The following AFDN variants were observed in gnomAD, a reference collection of about 807,000 sequenced individuals.
The protein encoded by AFDN is afadin.
In AFDN, 68 loss-of-function variants were observed where a neutral mutation model predicts 216.6. That is an observed-to-expected ratio of 0.31 (90% CI 0.26 to 0.38). The LOEUF (loss-of-function observed/expected upper bound fraction) is 0.38. Among genes scored for constraint, AFDN ranks in the 10% least tolerant of loss-of-function variants. AFDN has a pLI of 1.00. For missense variants in AFDN, 2,136 were observed against 2,342.0 expected (o/e 0.91, Z 1.82); for synonymous variants, 868 against 853.7 (o/e 1.02, Z -0.29).
At chr6:167,835,737 T>C (rs1780352884) in intron 1 of AFDN, among the ~76,000 whole-genome samples, 1 of 152,208 alleles carries the variant, frequency 6.6e-6, no homozygotes, top group Non-Finnish European at 1.5e-5. Flanking sequence ...TCCAACAAAA[T>C]GAGAAAGGCT....
At chr6:167,960,372 G>A in intron 30 of AFDN, among the ~76,000 whole-genome samples, 1 of 147,016 alleles carries the variant, frequency 6.8e-6, no homozygotes, top group South Asian at 2.2e-4. Flanking sequence ...GAAAATGCCT[G>A]TTTTTACAGA....
Position 167,971,581 on chromosome 6 carries a change from TGAG to T in AFDN, c.*1649_*1651del, listed in dbSNP as rs1798028490. On this transcript the variant is annotated 3_prime_UTR_variant, in exon 34 of 34. Coordinates refer to ENST00000683244, the MANE Select transcript of AFDN (RefSeq NM_001386888.1). ...AAAAGCAGGCACCTCCCAAATATCT[TGAG>T]GACACTGGCAGCCTTATGGTGACTA... 2 of 194,004 alleles carry T rather than the reference TGAG, an allele frequency of 1.0e-5. No individual in the cohort carries two copies. Among genetic ancestry groups the T allele is most frequent in the Non-Finnish European group, 2.1e-5 (2 of 93,326 alleles). The allele number at this position is 194,004 out of a possible 1,614,324, so 12.0% of individuals were successfully genotyped here.
At chr6:167,952,807 T>A (rs1796140523) in intron 30 of AFDN, among the ~76,000 whole-genome samples, 1 of 152,268 alleles carries the variant, frequency 6.6e-6, no homozygotes. Context: ...TCACAGTAGT[T>A]GTACTGTTGA....
At chr6:167,872,137 T>C (rs2073651) in intron 3 of AFDN, 77 bp from the exon 4 acceptor site, 719,459 of 1,370,622 alleles carry the variant, frequency 0.52, 194,324 homozygotes, top group African/African-American at 0.6. Context: ...GCATGTGAGA[T>C]GAAGTTACCT....
intron 1 of AFDN, among the ~76,000 whole-genome samples, chr6:167,854,809 T>A (rs1782711922): frequency 6.6e-6 from 1 of 151,036 alleles, no homozygotes; most frequent in African/African-American, 2.4e-5. Context: ...TTCATATTTA[T>A]AATTCTTCTT....
intron 27 of AFDN, 150 bp from the exon 28 acceptor site, chr6:167,947,703 T>A (rs1270106229): frequency 1.8e-6 from 1 of 563,248 alleles, no homozygotes; most frequent in African/African-American, 1.9e-5. Flanking sequence ...AAGACCTGAT[T>A]TCTTACCTGC....
intron 31 of AFDN, chr6:167,963,131 G>T (rs2128749351): frequency 9.4e-7 from 1 of 1,066,074 alleles, no homozygotes; most frequent in Non-Finnish European, 1.1e-6. Context: ...GTGTGTGTGT[G>T]TTTAAATCAA....
At chr6:167,920,372 G>T (rs569441500) in intron 21 of AFDN, among the ~76,000 whole-genome samples, 3 of 152,270 alleles carry the variant, frequency 2.0e-5, no homozygotes, top group Admixed American at 6.5e-5. Context: ...GGACCCAGAG[G>T]CAGCAGCACA....
chr6:167,969,773 C>T lies in AFDN; in HGVS notation c.5343-9C>T. On this transcript the variant is annotated splice_polypyrimidine_tract_variant and intron_variant, in intron 33 of 33. Coordinates refer to ENST00000683244, the MANE Select transcript of AFDN (RefSeq NM_001386888.1). ...GTCCAGTAATCTTTGATATTGCCCTCTTCTGCAGCCAAGATGCAGATTCAC... is the reference window on the plus strand; with the variant it reads ...GTCCAGTAATCTTTGATATTGCCCTTTTCTGCAGCCAAGATGCAGATTCAC... 3 of 1,603,686 alleles carry T rather than the reference C, an allele frequency of 1.9e-6. No homozygotes were observed. The highest frequency in any genetic ancestry group is 2.5e-6 in the Non-Finnish European group (3 of 1,177,364).
At chr6:167,905,558 G>A (rs1182219161) in intron 12 of AFDN, among the ~76,000 whole-genome samples, 1 of 152,120 alleles carries the variant, frequency 6.6e-6, no homozygotes, top group Non-Finnish European at 1.5e-5. Flanking sequence ...ATATGTTCAT[G>A]TATGCATTTT....
At chr6:167,923,995 A>C (rs1037227676) in intron 22 of AFDN, among the ~76,000 whole-genome samples, 3 of 152,110 alleles carry the variant, frequency 2.0e-5, no homozygotes, top group African/African-American at 7.2e-5. Context: ...ACTTCTGTTT[A>C]CCCAATTTTG....
rs1164609300 is a variant in AFDN, at chr6:167,890,970, C to T, written c.1118C>T (p.Ser373Phe). 3 of 1,614,074 alleles carry T rather than the reference C, an allele frequency of 1.9e-6. No individual in the cohort carries two copies. Among genetic ancestry groups the T allele is most frequent in the Admixed American group, 1.7e-5 (1 of 60,016 alleles). ...TPKGKERADGSGYGSTLPPEK... is the reference protein window; with the variant it reads ...TPKGKERADGFGYGSTLPPEK... Reference sequence around the variant, plus strand: ...AAGGGAAAGGAGAGAGCTGACGGGTCTGGCTATGGCTCCACCCTTCCTCCG... The same window carrying T: ...AAGGGAAAGGAGAGAGCTGACGGGTTTGGCTATGGCTCCACCCTTCCTCCG... The change falls in exon 8 of 34, where the codon TCT becomes TTT. Residue 373 changes from serine (S) to phenylalanine (F), a missense_variant. Physicochemically the swap from Ser to Phe is radical, Grantham distance 155. Around this residue, in one of 8 missense-constraint regions of AFDN, gnomAD observed 817 missense variants for 965.7 expected, o/e 0.85. Coordinates refer to ENST00000683244, the MANE Select transcript of AFDN (RefSeq NM_001386888.1).
chr6:167,910,951 T>G (rs1021458052), intron 13 of AFDN, 150 bp from the exon 14 acceptor site: 1 of 676,268 alleles, frequency 1.5e-6, no homozygotes, highest in South Asian at 1.9e-5. Context: ...TTGATTAGGC[T>G]ACATCTGAAA....
At chr6:167,901,808 C>T (rs1194268290) in intron 11 of AFDN, among the ~76,000 whole-genome samples, 1 of 151,886 alleles carries the variant, frequency 6.6e-6, no homozygotes. Context: ...AAAATATGAT[C>T]GGGCCGGGCG....
rs147491906 is a variant in AFDN at position 167,867,893 on chromosome 6, G to T, written c.302-2493G>T. On this transcript the variant is annotated intron_variant, in intron 2 of 33. Transcript: ENST00000683244. ...TATGGTGTCATTTTTTATGGGGAGG[G>T]TGGTGGTAAACTATTGCTCATTTAA... Among the ~76,000 whole-genome samples, 12 of 152,268 alleles carry T rather than the reference G, an allele frequency of 7.9e-5. No homozygotes were observed. The South Asian group carries it at 2.5e-3, about 32-fold the overall frequency.
At chr6:167,966,189 G>A (rs1797542801) in intron 32 of AFDN, 144 bp downstream of exon 32, 1 of 1,534,316 alleles carries the variant, frequency 6.5e-7, no homozygotes, top group Non-Finnish European at 8.7e-7. Context: ...CTCAGCCAAA[G>A]CCAACAGTAC....
At chr6:167,841,372 G>A (rs1562533835) in intron 1 of AFDN, among the ~76,000 whole-genome samples, 1 of 152,118 alleles carries the variant, frequency 6.6e-6, no homozygotes, top group Non-Finnish European at 1.5e-5. Context: ...CAAGGAAAAA[G>A]TTGTGTGAAG....
At chr6:167,947,969 G>T in intron 28 of AFDN, 25 bp downstream of exon 28, 1 of 1,531,736 alleles carries the variant, frequency 6.5e-7, no homozygotes, top group East Asian at 2.2e-5. Context: ...TAAGCAAAAG[G>T]CTTCTACTGC....
chr6:167,827,558 C>A (rs1266357171), intron 1 of AFDN: 1 of 146,022 alleles, frequency 6.8e-6, no homozygotes, highest in Non-Finnish European at 1.5e-5. Flanking sequence ...GAGCGCGGCG[C>A]GGCCCCGGCC....
Sources: gnomAD v4.1 joint callset for allele counts (sites outside exome capture counted in the v4.1 genomes callset) on GRCh38, gnomAD v4.1.1 for gene constraint, gnomAD v4.1.1 regional missense constraint, MANE v1.5 for transcripts, NCBI Gene and HGNC (gene_info 2026-07-23, HGNC 2026-07-21) for gene names.